PARVG: variants seen among roughly 807,000 people sequenced by gnomAD.
The protein encoded by PARVG is gamma-parvin.
PARVG carries 36 observed loss-of-function variants against 44.4 expected under a neutral mutation model. The ratio of observed to expected loss-of-function variants is 0.81; its 90% CI spans 0.62 to 1.07. The LOEUF (loss-of-function observed/expected upper bound fraction) is 1.07, where lower values mean the gene tolerates loss of function less well. Among genes scored for constraint, PARVG ranks in the 50% least tolerant of loss-of-function variants. PARVG has a pLI of 0.00. For missense variants in PARVG, 407 were observed against 407.4 expected (o/e 1.00, Z 0.01); for synonymous variants, 170 against 174.1 (o/e 0.98, Z 0.19).
chr22:44,194,069 G>A (rs994001492), intron 9 of PARVG, among the ~76,000 whole-genome samples: 8 of 152,214 alleles, frequency 5.3e-5, no homozygotes, highest in Non-Finnish European at 1.2e-4. Context: ...CAGTGATGGT[G>A]GAGTCTGTTA....
At chr22:44,179,287 AT>A (rs1322074731), upstream of PARVG, among the ~76,000 whole-genome samples, 1 of 152,146 alleles carries the variant, frequency 6.6e-6, no homozygotes, top group African/African-American at 2.4e-5. This position sits in a 1 kb window ranked among gnomAD's most constrained non-coding sequence, Gnocchi z 4.2. Context: ...TGAGTTGTGG[AT>A]TTAGTCTGTT....
Position 44,208,268 on chromosome 22 carries a change from T to C in PARVG, c.*1842T>C, listed in dbSNP as rs1171619458. 3 of 152,232 alleles carry C rather than the reference T, an allele frequency of 2.0e-5. No homozygotes were observed. Among genetic ancestry groups the C allele is most frequent in the Non-Finnish European group, 4.4e-5 (3 of 68,040 alleles). The allele number at this position is 152,232 out of a possible 1,614,324, so 9.4% of individuals were successfully genotyped here. On this transcript the variant is annotated 3_prime_UTR_variant, in exon 14 of 14. Coordinates refer to ENST00000444313, the MANE Select transcript of PARVG (RefSeq NM_022141.7). ...TCCCAGTTTGAAGTGTACAATTTGATGAGTTTTGACAAATGCATGCAGTCA... is the reference window on the plus strand; with the variant it reads ...TCCCAGTTTGAAGTGTACAATTTGACGAGTTTTGACAAATGCATGCAGTCA...
intron 1 of PARVG, among the ~76,000 whole-genome samples, chr22:44,175,334 C>T (rs2054309245): frequency 6.6e-6 from 1 of 152,188 alleles, no homozygotes; most frequent in Non-Finnish European, 1.5e-5. Flanking sequence ...TCAGATGTGA[C>T]AGAACTGGCA....
Position 44,206,332 on chromosome 22 carries a change from A to G in PARVG, c.902A>G (p.Asp301Gly), listed in dbSNP as rs1440060633. 3 of 1,613,612 alleles carry G rather than the reference A, an allele frequency of 1.9e-6. No individual in the cohort carries two copies. The African/African-American group carries it at 4.0e-5, about 22-fold the overall frequency. The stretch of plus-strand genomic sequence containing the variant: ...TGGCCCGCAGATATCGTGAACAAGG[A>G]TGCCAAGAGCACACTGAGGGTGCTC... ...PVSPEDIVNK[D>G]AKSTLRVLYG... Residue 301 changes from aspartate (D) to glycine (G), a missense_variant, in exon 14 of 14, where the codon GAT becomes GGT. By Grantham distance (94) the Asp-to-Gly change is moderately conservative. Coordinates refer to ENST00000444313, the MANE Select transcript of PARVG (RefSeq NM_022141.7).
intron 5 of PARVG, 21 bp from the exon 6 acceptor site, chr22:44,189,093 A>G: frequency 2.5e-6 from 4 of 1,613,686 alleles, no homozygotes; most frequent in Non-Finnish European, 3.4e-6. Context: ...AGGGGTCCTC[A>G]CCACCCTCTC....
chr22:44,189,258 C>G lies in PARVG; in HGVS notation c.388+4C>G. 1 of 1,613,730 alleles carries G rather than the reference C, an allele frequency of 6.2e-7. No homozygotes were observed. The highest frequency in any genetic ancestry group is 1.1e-5 in the South Asian group (1 of 91,058). On this transcript the variant is annotated splice_donor_region_variant and intron_variant, in intron 6 of 13. Coordinates refer to ENST00000444313, the MANE Select transcript of PARVG (RefSeq NM_022141.7). ...CAGGCCAAGTGGAGCGTGGAGAGTA[C>G]GTGGGCCACAACCTGGCTACCCCTG...
intron 12 of PARVG, among the ~76,000 whole-genome samples, chr22:44,201,438 C>T (rs369311468): frequency 3.3e-5 from 5 of 152,128 alleles, no homozygotes; most frequent in Non-Finnish European, 5.9e-5. Flanking sequence ...CCCTCGCCCC[C>T]ACGGGGATGC....
intron 1 of PARVG, among the ~76,000 whole-genome samples, chr22:44,173,612 G>A (rs960081068): frequency 6.6e-6 from 1 of 152,222 alleles, no homozygotes; most frequent in Non-Finnish European, 1.5e-5. Context: ...GCCTGGGTTT[G>A]TGTCCAGGTT....
rs2054790144 is a variant in PARVG, at chr22:44,206,980, C to G, written c.*554C>G. ...GTGGATTCAGTGACTGTCAAAGCAACCCGGGCTGTGTCCTGCAGCTGCCCT... is the reference window on the plus strand; with the variant it reads ...GTGGATTCAGTGACTGTCAAAGCAAGCCGGGCTGTGTCCTGCAGCTGCCCT... On this transcript the variant is annotated 3_prime_UTR_variant, in exon 14 of 14. Transcript: ENST00000444313. 6.4e-6 allele frequency: 1 copy of G among 157,268 alleles called. No individual in the cohort carries two copies. The highest frequency in any genetic ancestry group is 2.4e-5 in the African/African-American group (1 of 41,436). 9.7% of individuals were successfully genotyped at this position (157,268 alleles called of 1,614,324 possible).
chr22:44,193,901 A>G (rs2054584066), intron 9 of PARVG, 78 bp downstream of exon 9: 1 of 1,525,502 alleles, frequency 6.6e-7, no homozygotes, highest in Admixed American at 1.7e-5. Flanking sequence ...TGCAGGGTTA[A>G]TTGCTGAGCA....
In PARVG at chr22:44,196,216, AG is replaced by A. The variant is rs1312301416; in HGVS notation, c.642+5del. On this transcript the variant is annotated splice_donor_region_variant and intron_variant, in intron 10 of 13. Transcript: ENST00000444313. ...AGAAAGTGAACGCAGTGAAAGAGGT[AG>A]GAGAGATCAAAGCTCTCAGCGGCTC... The A allele has an allele frequency of 6.2e-7, 1 of 1,614,090 alleles. No individual in the cohort carries two copies. Among genetic ancestry groups the A allele is most frequent in the African/African-American group, 1.3e-5 (1 of 74,948 alleles).
At chr22:44,199,234 C>T (rs1299537702) in intron 12 of PARVG, among the ~76,000 whole-genome samples, 1 of 151,998 alleles carries the variant, frequency 6.6e-6, no homozygotes, top group Non-Finnish European at 1.5e-5. Flanking sequence ...ACCTGCCTGC[C>T]TGTCTACCCA....
At chr22:44,196,857 C>T (rs1228491166) in intron 11 of PARVG, among the ~76,000 whole-genome samples, 1 of 152,122 alleles carries the variant, frequency 6.6e-6, no homozygotes, top group Admixed American at 6.5e-5. Flanking sequence ...CCCTGAGGAG[C>T]CCAGCCCCTC....
In PARVG at chr22:44,187,875, T is replaced by C. The variant is rs1167464837; in HGVS notation, c.244T>C (p.Phe82Leu). The C allele has an allele frequency of 4.3e-6, 7 of 1,614,002 alleles. No individual in the cohort carries two copies. The highest frequency in any genetic ancestry group is 4.2e-6 in the Non-Finnish European group (5 of 1,180,000). The change falls in exon 5 of 14, where the codon TTC becomes CTC. Residue 82 changes from phenylalanine to leucine, a missense_variant. Coordinates refer to ENST00000444313, the MANE Select transcript of PARVG (RefSeq NM_022141.7). The stretch of plus-strand genomic sequence containing the variant: ...CGACGGGCTCATCCTACACCACCTA[T>C]TCCGTAAGTGGCTGTTTCTGGGGCT... Reference protein sequence around the residue: ...MFDGLILHHLFQRLAALKLEA... With the variant: ...MFDGLILHHLLQRLAALKLEA...
At chr22:44,202,111 C>G (rs962553131) in intron 12 of PARVG, among the ~76,000 whole-genome samples, 1 of 152,232 alleles carries the variant, frequency 6.6e-6, no homozygotes, top group Non-Finnish European at 1.5e-5. Context: ...TCTTCCCATC[C>G]CCACTTCCAC....
At chr22:44,201,789 A>G (rs1373981224) in intron 12 of PARVG, among the ~76,000 whole-genome samples, 2 of 152,166 alleles carry the variant, frequency 1.3e-5, no homozygotes, top group African/African-American at 4.8e-5. Flanking sequence ...GATAGGGATC[A>G]GGCTGTCGTG....
At position 44,187,128 on chromosome 22, in the gene PARVG, A is replaced by G. The variant is rs572721310; in HGVS notation, c.145-648A>G. Reference sequence around the variant, plus strand: ...ACTGTAACATGTGACCACAGACTGAATGGCTTAAACCACAGAAACCTACTG... The same window carrying G: ...ACTGTAACATGTGACCACAGACTGAGTGGCTTAAACCACAGAAACCTACTG... On this transcript the variant is annotated intron_variant, in intron 4 of 13. Transcript: ENST00000444313. 13 of 183,656 alleles carry G rather than the reference A, an allele frequency of 7.1e-5. No individual in the cohort carries two copies. In the South Asian group the frequency reaches 1.5e-3, roughly 21 times the overall value. 11.4% of individuals were successfully genotyped at this position (183,656 alleles called of 1,614,324 possible). A position where few individuals can be genotyped will look rare whatever the true frequency, so the allele number is the denominator to read the frequency against.
chr22:44,191,976 C>G, intron 7 of PARVG, 73 bp from the exon 8 acceptor site: 6 of 1,523,170 alleles, frequency 3.9e-6, no homozygotes, highest in Non-Finnish European at 4.5e-6. Context: ...ACAGAGCAAA[C>G]GGATCACTGG....
At chr22:44,195,559 G>A (rs1006311378) in intron 9 of PARVG, among the ~76,000 whole-genome samples, 2 of 152,244 alleles carry the variant, frequency 1.3e-5, no homozygotes, top group African/African-American at 2.4e-5. Context: ...GGCCTGAGCC[G>A]CTGTTCCCAG....
Sources: allele counts gnomAD v4.1 joint callset (sites outside exome capture counted in the v4.1 genomes callset), GRCh38; gene constraint gnomAD v4.1.1; non-coding constraint Gnocchi (gnomAD v3.1); transcripts MANE v1.5; gene names NCBI Gene and HGNC (gene_info 2026-07-23, HGNC 2026-07-21).